Variants in NEK11 observed in about 807,000 individuals in gnomAD.
The protein encoded by NEK11 is NIMA related kinase 11.
Under a neutral mutation model 80.7 loss-of-function variants are expected in NEK11, and 72 were observed. That is an observed-to-expected ratio of 0.89 (90% CI 0.74 to 1.08). NEK11 has a LOEUF of 1.08. NEK11 is among the 50% of genes least tolerant of loss of function. NEK11 has a pLI of 0.00. For missense variants in NEK11, 764 were observed against 763.6 expected, an observed-to-expected ratio of 1.00 and a Z score of -0.01; for synonymous variants, 251 against 260.7, an observed-to-expected ratio of 0.96 and a Z score of 0.36.
Position 131,203,346 on chromosome 3 carries a change from G to A in NEK11, c.1400-25182G>A, listed in dbSNP as rs556425822. Among the ~76,000 whole-genome samples the A allele has an allele frequency of 4.5e-4, 68 of 149,454 alleles. 1 individual carries two copies. The highest frequency in any genetic ancestry group is 8.5e-4 in the South Asian group (4 of 4,712). Reference sequence around the variant, plus strand: ...TCGCAAGGACAAAAAACCAAACACCGCATGTTCTCACTCATAGATGGGAAT... The same window carrying A: ...TCGCAAGGACAAAAAACCAAACACCACATGTTCTCACTCATAGATGGGAAT... On this transcript the variant is annotated intron_variant, in intron 14 of 17. Transcript: ENST00000383366.
At chr3:131,145,474 C>T (rs752653414) in intron 7 of NEK11, among the ~76,000 whole-genome samples, 1 of 152,152 alleles carries the variant, frequency 6.6e-6, no homozygotes, top group African/African-American at 2.4e-5. Flanking sequence ...TAGAAGGTCT[C>T]ATAGTCTGTG....
At chr3:131,322,994 A>G (rs1003279753) in intron 17 of NEK11, among the ~76,000 whole-genome samples, 2 of 152,150 alleles carry the variant, frequency 1.3e-5, no homozygotes, top group Non-Finnish European at 2.9e-5. Context: ...CCTGCATCAC[A>G]TCTTATGTCT....
chr3:131,349,506 A>G (rs1393662229), intron 17 of NEK11, 51 bp from the exon 18 acceptor site: 1 of 1,412,648 alleles, frequency 7.1e-7, no homozygotes. Context: ...ATTTTCCTGC[A>G]GGTGATCTTA....
intron 14 of NEK11, among the ~76,000 whole-genome samples, chr3:131,181,395 A>T (rs1294046331): frequency 6.6e-6 from 1 of 152,202 alleles, no homozygotes; most frequent in Non-Finnish European, 1.5e-5. Context: ...CCCTGCCAAC[A>T]AGTGTATCTT....
At chr3:131,115,719 G>A (rs1310561005) in intron 5 of NEK11, among the ~76,000 whole-genome samples, 1 of 152,072 alleles carries the variant, frequency 6.6e-6, no homozygotes, top group Non-Finnish European at 1.5e-5. Flanking sequence ...CCTCTCTGCA[G>A]AGAGCCCACC....
At chr3:131,256,784 A>G (rs1051335390) in intron 16 of NEK11, among the ~76,000 whole-genome samples, 2 of 152,150 alleles carry the variant, frequency 1.3e-5, no homozygotes, top group African/African-American at 4.8e-5. Flanking sequence ...TGCATTTCCC[A>G]GATGACTCAC....
chr3:131,027,181 C>T (rs538984970), intron 1 of NEK11, 175 bp downstream of exon 1: 1 of 152,182 alleles, frequency 6.6e-6, no homozygotes, highest in African/African-American at 2.4e-5. Flanking sequence ...CCTCAATAAA[C>T]GTTAACCTGC....
At chr3:131,327,902 ATTTG>A (rs920050085) in intron 17 of NEK11, among the ~76,000 whole-genome samples, 12 of 151,802 alleles carry the variant, frequency 7.9e-5, no homozygotes, top group Middle Eastern at 6.8e-3. Context: ...AAATTACCTT[ATTTG>A]TTTACTTGTT....
intron 6 of NEK11, among the ~76,000 whole-genome samples, chr3:131,133,622 C>G (rs2084959524): frequency 1.4e-5 from 1 of 71,656 alleles, no homozygotes; most frequent in Admixed American, 1.7e-4. Flanking sequence ...ACTTTCCTGG[C>G]TCAAAGTCTT....
chr3:131,196,291 A>C (rs1271879179), intron 14 of NEK11, among the ~76,000 whole-genome samples: 1 of 152,144 alleles, frequency 6.6e-6, no homozygotes, highest in Admixed American at 6.5e-5. Context: ...TATTTAAATA[A>C]GTAGTCTTGG....
intron 4 of NEK11, among the ~76,000 whole-genome samples, chr3:131,091,394 T>C (rs1293885508): frequency 3.3e-5 from 5 of 152,146 alleles, no homozygotes; most frequent in African/African-American, 9.7e-5. Flanking sequence ...TTACAGGAAA[T>C]CAGGCACTTA....
chr3:131,123,054 T>G (rs35057035), intron 5 of NEK11, among the ~76,000 whole-genome samples: 28,087 of 152,176 alleles, frequency 0.18, 2,686 homozygotes, highest in Middle Eastern at 0.22. Context: ...TGTTACCTTA[T>G]TATTTGTTGG....
chr3:131,175,330 A>G (rs2092943422), intron 14 of NEK11, among the ~76,000 whole-genome samples: 1 of 152,220 alleles, frequency 6.6e-6, no homozygotes, highest in East Asian at 1.9e-4. Flanking sequence ...TAAGTACTCA[A>G]AATAAAAAAC....
chr3:131,330,849 T>A (rs2097065140), intron 17 of NEK11: 1 of 148,924 alleles, frequency 6.7e-6, no homozygotes, highest in Non-Finnish European at 1.5e-5. Context: ...GGTGCCAGCA[T>A]CTGGTAAGGG....
chr3:131,194,951 A>G (rs1468081705), intron 14 of NEK11, among the ~76,000 whole-genome samples: 1 of 152,154 alleles, frequency 6.6e-6, no homozygotes, highest in East Asian at 1.9e-4. Flanking sequence ...ACTGTCATCT[A>G]TAACATGGAT....
At chr3:131,346,838 G>C (rs1018267315) in intron 17 of NEK11, among the ~76,000 whole-genome samples, 5 of 152,150 alleles carry the variant, frequency 3.3e-5, no homozygotes, top group African/African-American at 1.2e-4. Flanking sequence ...TGTAGTCATT[G>C]GCACTGATGA....
intron 16 of NEK11, among the ~76,000 whole-genome samples, chr3:131,267,532 C>T (rs1168436270): frequency 6.6e-6 from 1 of 152,152 alleles, no homozygotes; most frequent in South Asian, 2.1e-4. Context: ...TCTCTTCTGG[C>T]TTGTAGGGTT....
At chr3:131,255,087 A>G (rs201645765) in intron 16 of NEK11, among the ~76,000 whole-genome samples, 3,111 of 99,858 alleles carry the variant, frequency 0.031, 53 homozygotes, top group East Asian at 0.11. Context: ...AAGGAAAGAA[A>G]GAAAGAAAGA....
intron 17 of NEK11, among the ~76,000 whole-genome samples, chr3:131,282,901 G>A (rs2096418790): frequency 6.6e-6 from 1 of 152,136 alleles, no homozygotes; most frequent in South Asian, 2.1e-4. Context: ...CTCAGATTTT[G>A]AACTGGACCA....
Sources: allele counts gnomAD v4.1 joint callset (sites outside exome capture counted in the v4.1 genomes callset), GRCh38; gene constraint gnomAD v4.1.1; transcripts MANE v1.5; gene names NCBI Gene and HGNC (gene_info 2026-07-23, HGNC 2026-07-21).